FBXO31: variants seen among roughly 807,000 people sequenced by gnomAD.
FBXO31 encodes the protein F-box protein 31, also known as F-box only protein 31.
Under a neutral mutation model 54.4 loss-of-function variants are expected in FBXO31, and 24 were observed. That is an observed-to-expected ratio of 0.44 (90% CI 0.32 to 0.62). FBXO31 has a LOEUF of 0.62. FBXO31 is among the 20% of genes least tolerant of loss of function. The pLI is 0.05. For missense variants in FBXO31, 665 were observed against 787.1 expected (o/e 0.84, Z 1.86); for synonymous variants, 388 against 335.6 (o/e 1.16, Z -1.71).
intron 1 of FBXO31, among the ~76,000 whole-genome samples, chr16:87,370,064 G>A (rs891608043): frequency 6.6e-6 from 1 of 152,076 alleles, no homozygotes; most frequent in Non-Finnish European, 1.5e-5. Flanking sequence ...TGGAAACCCC[G>A]TCCCTGCAGC....
intron 2 of FBXO31, among the ~76,000 whole-genome samples, chr16:87,348,430 G>A (rs1380562015): frequency 6.6e-6 from 1 of 152,216 alleles, no homozygotes. Flanking sequence ...GCGTGATGAT[G>A]GGGGAGAAGG....
chr16:87,347,029 G>C (rs1905418421), intron 3 of FBXO31, 145 bp downstream of exon 3: 2 of 751,366 alleles, frequency 2.7e-6, no homozygotes, highest in Non-Finnish European at 4.7e-6. Flanking sequence ...CTCCTGAAAA[G>C]TGACAGAGCA....
At chr16:87,355,192 C>G (rs781535876) in intron 2 of FBXO31, among the ~76,000 whole-genome samples, 1 of 152,158 alleles carries the variant, frequency 6.6e-6, no homozygotes, top group Non-Finnish European at 1.5e-5. Context: ...ACCCCCATCT[C>G]TATCATAAAA....
At position 87,383,383 on chromosome 16, in the gene FBXO31, C is replaced by CCCCCCCCCCCCCCCCCCGCACCCCCA; in HGVS notation, c.340+21_340+22insTGGGGGTGCGGGGGGGGGGGGGGGGG. On this transcript the variant is annotated intron_variant, in intron 1 of 8. Transcript: ENST00000311635. This position sits in a 1 kb window ranked among gnomAD's most constrained non-coding sequence, Gnocchi z 4.9. ...GCAGGGACCCCCCGCCCCTCCCGGC[C>CCCCCCCCCCCCCCCCCCGCACCCCCA]CCGCCACCCCCGCGCGCTCACCCTC... is the stretch of plus-strand genomic sequence containing the variant. 1 of 1,518,272 alleles carries CCCCCCCCCCCCCCCCCCGCACCCCCA rather than the reference C, an allele frequency of 6.6e-7. No homozygotes were observed. Among genetic ancestry groups the CCCCCCCCCCCCCCCCCCGCACCCCCA allele is most frequent in the Non-Finnish European group, 8.8e-7 (1 of 1,131,238 alleles). The allele number at this position is 1,518,272 out of a possible 1,614,324, so 94.1% of individuals were successfully genotyped here.
At position 87,328,724 on chromosome 16, in the gene FBXO31, C is replaced by G. The variant is rs1192244828; in HGVS notation, c.*2564G>C. On this transcript the variant is annotated 3_prime_UTR_variant, in exon 9 of 9. Transcript: ENST00000311635. ...AGCTGCACTGCAGGCAGCCCCACTC[C>G]AGAGAGCAGACTTGATCCTGCCCCA... is the stretch of plus-strand genomic sequence containing the variant. The G allele has an allele frequency of 2.0e-5, 3 of 152,258 alleles. No homozygotes were observed. The highest frequency in any genetic ancestry group is 6.5e-5 in the Admixed American group (1 of 15,288). The allele number at this position is 152,258 out of a possible 1,614,324, so 9.4% of individuals were successfully genotyped here.
At chr16:87,337,534 A>C (rs559911610) in intron 5 of FBXO31, among the ~76,000 whole-genome samples, 3 of 152,232 alleles carry the variant, frequency 2.0e-5, no homozygotes, top group African/African-American at 7.2e-5. Flanking sequence ...GGACTTGCCC[A>C]GTATAAGCTC....
chr16:87,348,293 C>T (rs1050782726), intron 2 of FBXO31, among the ~76,000 whole-genome samples: 2 of 152,218 alleles, frequency 1.3e-5, no homozygotes, highest in African/African-American at 4.8e-5. Context: ...TCTCCGGCCC[C>T]TGCACTGTAT....
At chr16:87,339,702 G>A (rs1489843734) in intron 5 of FBXO31, among the ~76,000 whole-genome samples, 4 of 152,240 alleles carry the variant, frequency 2.6e-5, no homozygotes, top group South Asian at 4.1e-4. Context: ...TACACTGACC[G>A]TAAGCGTGCT....
chr16:87,355,626 A>C (rs970209616), intron 2 of FBXO31, among the ~76,000 whole-genome samples: 2 of 152,214 alleles, frequency 1.3e-5, no homozygotes, highest in Non-Finnish European at 2.9e-5. Flanking sequence ...AACGACACTC[A>C]AACTTCAGCA....
Position 87,346,081 on chromosome 16 carries a change from G to T in FBXO31, c.489+1093C>A, listed in dbSNP as rs1905373236. ...CACAAAGCCAGGAAGAGAAAAGGAGGAATCAGGGCCTGGGGATAGAGTCAC... is the reference window on the plus strand; with the variant it reads ...CACAAAGCCAGGAAGAGAAAAGGAGTAATCAGGGCCTGGGGATAGAGTCAC... On this transcript the variant is annotated intron_variant, in intron 3 of 8. Transcript: ENST00000311635. The surrounding 1 kb of genome is among the most constrained non-coding windows in gnomAD (Gnocchi z 4.2). Among the ~76,000 whole-genome samples the T allele has an allele frequency of 6.6e-6, 1 of 152,216 alleles. No homozygotes were observed. Among genetic ancestry groups the T allele is most frequent in the Non-Finnish European group, 1.5e-5 (1 of 68,032 alleles).
At chr16:87,389,200 G>C (rs1907429918) in intron 1 of FBXO31, among the ~76,000 whole-genome samples, 1 of 151,988 alleles carries the variant, frequency 6.6e-6, no homozygotes, top group South Asian at 2.1e-4. Context: ...TTCTTACATG[G>C]GAATGAAACC....
rs553710175 is a variant in FBXO31, at chr16:87,388,890, T to C, written c.-177+847A>G. The C allele has an allele frequency of 4.6e-5, 7 of 152,346 alleles. No homozygotes were observed. The East Asian group carries it at 9.6e-4, about 21-fold the overall frequency. The allele number at this position is 152,346 out of a possible 1,614,324, so 9.4% of individuals were successfully genotyped here. On this transcript the variant is annotated intron_variant, in intron 1 of 8. Transcript: ENST00000618298. ...TTAAAATGAAAGATGTGTTCTTGCTTTTCTACTTTACATGGATTATTACAG... is the reference window on the plus strand; with the variant it reads ...TTAAAATGAAAGATGTGTTCTTGCTCTTCTACTTTACATGGATTATTACAG...
Position 87,334,051 on chromosome 16 carries a change from G to A in FBXO31, c.1232C>T (p.Ala411Val), listed in dbSNP as rs368532031. 4 of 1,612,274 alleles carry A rather than the reference G, an allele frequency of 2.5e-6. No homozygotes were observed. The highest frequency in any genetic ancestry group is 1.3e-5 in the African/African-American group (1 of 75,038). ...TGTCCCATCTGGGCCCTTGCTGGGC[G>A]CCTCTGCCCTGGGCTGGGCAGGGCT... The part of the protein sequence containing the change: ...QPSPAQPRAE[A>V]PSKGPDGTPG... The change falls in exon 8 of 9, where the codon GCG becomes GTG. Residue 411 changes from alanine (A) to valine (V), a missense_variant. Physicochemically the swap from Ala to Val is moderately conservative, Grantham distance 64. Around this residue, in one of 4 missense-constraint regions of FBXO31, gnomAD observed 165 missense variants for 159.7 expected, o/e 1.03. Transcript: ENST00000311635.
intron 1 of FBXO31, among the ~76,000 whole-genome samples, chr16:87,363,716 G>C (rs1906236674): frequency 1.3e-5 from 2 of 152,100 alleles, no homozygotes; most frequent in African/African-American, 4.8e-5. Flanking sequence ...AACTGGACAG[G>C]GACTCTGTGA....
In FBXO31 at chr16:87,383,489, C is replaced by A; in HGVS notation, c.256G>T (p.Asp86Tyr). The A allele has an allele frequency of 6.3e-7, 1 of 1,589,086 alleles. No homozygotes were observed. Among genetic ancestry groups the A allele is most frequent in the Non-Finnish European group, 8.5e-7 (1 of 1,171,344 alleles). ...CAGACCTGGGCCAAGCTGGGTAGGT[C>A]CGTGCCCGGCAGCGACGCGAAGATC... ...VEIFASLPGT[D>Y]LPSLAQVCTK... The change falls in exon 1 of 9, where the codon GAC becomes TAC. Residue 86 changes from aspartate to tyrosine, a missense_variant. By Grantham distance (160) the Asp-to-Tyr change is radical (BLOSUM62 -3). Coordinates refer to ENST00000311635, the MANE Select transcript of FBXO31 (RefSeq NM_024735.5). This position sits in a 1 kb window ranked among gnomAD's most constrained non-coding sequence, Gnocchi z 4.9.
chr16:87,355,273 AATG>A (rs1173051709), intron 2 of FBXO31, among the ~76,000 whole-genome samples: 2 of 152,222 alleles, frequency 1.3e-5, no homozygotes, highest in East Asian at 3.9e-4. Flanking sequence ...GGCCCACGTG[AATG>A]ATGGAAACAC....
At chr16:87,360,574 A>G (rs1432760901) in intron 1 of FBXO31, among the ~76,000 whole-genome samples, 1 of 152,212 alleles carries the variant, frequency 6.6e-6, no homozygotes, top group Non-Finnish European at 1.5e-5. Flanking sequence ...TATTTTAGTC[A>G]ATGTCACCCT....
intron 2 of FBXO31, among the ~76,000 whole-genome samples, chr16:87,353,552 G>A (rs1025644910): frequency 6.6e-6 from 1 of 152,244 alleles, no homozygotes; most frequent in African/African-American, 2.4e-5. Context: ...GGCCACGTGG[G>A]GACAGAGGCA....
At chr16:87,341,227 A>G (rs897526892) in intron 5 of FBXO31, among the ~76,000 whole-genome samples, 2 of 152,264 alleles carry the variant, frequency 1.3e-5, no homozygotes, top group Non-Finnish European at 2.9e-5. Flanking sequence ...GCCCACACAC[A>G]GAAGTAGGCT....
Sources: allele counts gnomAD v4.1 joint callset (sites outside exome capture counted in the v4.1 genomes callset), GRCh38; gene constraint gnomAD v4.1.1; regional missense constraint gnomAD v4.1.1; non-coding constraint Gnocchi (gnomAD v3.1); transcripts MANE v1.5; gene names NCBI Gene and HGNC (gene_info 2026-07-23, HGNC 2026-07-21).